The following CCDC92B variants were observed in gnomAD, a reference collection of about 807,000 sequenced individuals.
CCDC92B encodes coiled-coil domain-containing 92B.
Under a neutral mutation model 5.6 loss-of-function variants are expected in CCDC92B, and 2 were observed. The observed-to-expected ratio is 0.36, with a 90% CI of 0.15 to 1.12. The LOEUF (loss-of-function observed/expected upper bound fraction) is 1.12. Among genes scored for constraint, CCDC92B ranks in the 50% most tolerant of loss-of-function variants. CCDC92B has a pLI of 0.40. For synonymous variants in CCDC92B, 115 were observed against 122.3 expected, an observed-to-expected ratio of 0.94 and a Z score of 0.39; for missense variants, 271 against 262.2, an observed-to-expected ratio of 1.03 and a Z score of -0.23.
Position 2,722,718 on chromosome 17 carries a change from TC to T in CCDC92B, c.*1692del, listed in dbSNP as rs1333104462. ...CCCCTGCGTGACAGAATGTGTGGCC[TC>T]AGCCAGGGTCAGGACCTGTCAGGAA... On this transcript the variant is annotated 3_prime_UTR_variant, in exon 4 of 4. Coordinates refer to ENST00000614400, the MANE Select transcript of CCDC92B (RefSeq NM_001355573.2). The T allele has an allele frequency of 6.6e-6, 1 of 152,286 alleles. No homozygotes were observed. The highest frequency in any genetic ancestry group is 2.4e-5 in the African/African-American group (1 of 41,432). The allele number at this position is 152,286 out of a possible 1,614,324, so 9.4% of individuals were successfully genotyped here.
At chr17:2,731,790 C>T (rs888189980) in intron 2 of CCDC92B, among the ~76,000 whole-genome samples, 4 of 152,248 alleles carry the variant, frequency 2.6e-5, no homozygotes, top group South Asian at 4.1e-4. Flanking sequence ...CCTTCAAGGC[C>T]TTGTGATGTA....
At position 2,739,163 on chromosome 17, in the gene CCDC92B, C is replaced by G. The variant is rs375633054; in HGVS notation, c.-23-3995G>C. On this transcript the variant is annotated intron_variant, in intron 1 of 3. Coordinates refer to ENST00000614400, the MANE Select transcript of CCDC92B (RefSeq NM_001355573.2). The stretch of plus-strand genomic sequence containing the variant: ...TGGGCGGATCACGAGGTCAGGAGAT[C>G]GAGACCATCCTGGCTAACATGGTAG... 3.3e-5 allele frequency among the ~76,000 whole-genome samples: 5 copies of G among 151,356 alleles called. No individual in the cohort carries two copies. The East Asian group carries it at 7.8e-4, about 24-fold the overall frequency.
intron 3 of CCDC92B, 116 bp downstream of exon 3, chr17:2,730,329 AG>A (rs1365267642): frequency 4.5e-6 from 2 of 444,706 alleles, no homozygotes; most frequent in Non-Finnish European, 6.0e-6. Flanking sequence ...CCAGCCAAGG[AG>A]TGACTATCCC....
At position 2,737,560 on chromosome 17, in the gene CCDC92B, C is replaced by T. The variant is rs942554468; in HGVS notation, c.-23-2392G>A. On this transcript the variant is annotated intron_variant, in intron 1 of 3. Coordinates refer to ENST00000614400, the MANE Select transcript of CCDC92B (RefSeq NM_001355573.2). ...CACGATCTCGGCTCACTGCAAGCTCCGCCTCCCAAGTTCACGCCATTCTGC... is the reference window on the plus strand; with the variant it reads ...CACGATCTCGGCTCACTGCAAGCTCTGCCTCCCAAGTTCACGCCATTCTGC... Among the ~76,000 whole-genome samples, 11 of 149,576 alleles carry T rather than the reference C, an allele frequency of 7.4e-5. No homozygotes were observed. In the South Asian group the frequency reaches 1.5e-3, roughly 20 times the overall value.
At chr17:2,732,551 T>C (rs1160079183) in intron 2 of CCDC92B, among the ~76,000 whole-genome samples, 1 of 151,912 alleles carries the variant, frequency 6.6e-6, no homozygotes, top group African/African-American at 2.4e-5. Context: ...ACCCCATCTC[T>C]ACTAAAAATA....
At chr17:2,729,013 A>G (rs2070767195) in intron 3 of CCDC92B, among the ~76,000 whole-genome samples, 1 of 152,120 alleles carries the variant, frequency 6.6e-6, no homozygotes. Context: ...AAGACTTTTT[A>G]TGATTCCTTT....
chr17:2,738,752 T>TC (rs1484806006), intron 1 of CCDC92B, among the ~76,000 whole-genome samples: 2 of 133,558 alleles, frequency 1.5e-5, no homozygotes, highest in African/African-American at 5.8e-5. Flanking sequence ...AGAGCAAGAC[T>TC]CGTCTCAAAA....
At chr17:2,726,642 C>T (rs1017303050) in intron 3 of CCDC92B, among the ~76,000 whole-genome samples, 7 of 151,570 alleles carry the variant, frequency 4.6e-5, no homozygotes, top group African/African-American at 1.5e-4. Flanking sequence ...GAGGCAGAGT[C>T]TCACTCTGTC....
rs900632067 is a variant in CCDC92B, at chr17:2,724,225, C to A, written c.*186G>T. ...TCTCGCGCGAGGAGAGGGCTCGAAG[C>A]TTTGGAAACGTCGGGAAGTACAAAA... On this transcript the variant is annotated 3_prime_UTR_variant, in exon 4 of 4. Transcript: ENST00000614400. This position sits in a 1 kb window ranked among gnomAD's most constrained non-coding sequence, Gnocchi z 5.0. The A allele has an allele frequency of 5.1e-6, 5 of 985,270 alleles. No individual in the cohort carries two copies. Among genetic ancestry groups the A allele is most frequent in the Admixed American group, 6.1e-5 (1 of 16,268 alleles). 61.0% of individuals were successfully genotyped at this position (985,270 alleles called of 1,614,324 possible). A position where few individuals can be genotyped will look rare whatever the true frequency, so the allele number is the denominator to read the frequency against.
chr17:2,728,002 C>T (rs2070752900), intron 3 of CCDC92B, among the ~76,000 whole-genome samples: 1 of 151,948 alleles, frequency 6.6e-6, no homozygotes, highest in Non-Finnish European at 1.5e-5. Flanking sequence ...AGAGCAAGAT[C>T]CTGTCTCTAA....
At chr17:2,731,200 G>C (rs551100155) in intron 2 of CCDC92B, among the ~76,000 whole-genome samples, 2 of 152,144 alleles carry the variant, frequency 1.3e-5, no homozygotes, top group Non-Finnish European at 2.9e-5. Flanking sequence ...AAGGGCACTG[G>C]TGCAGGAGCA....
chr17:2,731,145 G>A (rs943035290), intron 2 of CCDC92B, among the ~76,000 whole-genome samples: 13 of 152,184 alleles, frequency 8.5e-5, no homozygotes, highest in East Asian at 1.9e-4. Context: ...GATGGGGGCC[G>A]GGCTTGGCAC....
chr17:2,748,202 G>C (rs767936996), intron 1 of CCDC92B: 13 of 571,018 alleles, frequency 2.3e-5, no homozygotes, highest in Non-Finnish European at 3.7e-5. Context: ...AACTCTTCCA[G>C]TAGCCCAGTA....
At chr17:2,729,147 C>A (rs150797706) in intron 3 of CCDC92B, among the ~76,000 whole-genome samples, 3 of 152,130 alleles carry the variant, frequency 2.0e-5, no homozygotes, top group Non-Finnish European at 4.4e-5. Flanking sequence ...CTTGGGATTA[C>A]AGGCGTGAGC....
intron 2 of CCDC92B, 47 bp from the exon 3 acceptor site, chr17:2,730,540 TGTGTGTGTGTGTGTGTGTGTGTGAGA>T (rs1275550551): frequency 2.4e-6 from 1 of 421,826 alleles, no homozygotes; most frequent in African/African-American, 2.4e-5. Flanking sequence ...TGTGTGTGTG[TGTGTGTGTGTGTGTGTGTGTGTGAGA>T]GAGAGAGAGA....
In CCDC92B at chr17:2,724,567, G is replaced by C. The variant is rs1293160171; in HGVS notation, c.612C>G (p.Ala204=). 4.1e-5 allele frequency: 40 copies of C among 982,184 alleles called. No individual in the cohort carries two copies. The highest frequency in any genetic ancestry group is 7.0e-5 in the African/African-American group (4 of 56,904). 60.8% of individuals were successfully genotyped at this position (982,184 alleles called of 1,614,324 possible). ...WDRGAGALDD[A]DPMPDPALFL... is the part of the protein sequence containing the mutation. ...AGAGCGCGGGGTCGGGCATGGGGTC[G>C]GCGTCGTCGAGGGCGCCGGCCCCGC... The change falls in exon 4 of 4, where the codon GCC becomes GCG. Residue 204 remains alanine, a synonymous_variant. Coordinates refer to ENST00000614400, the MANE Select transcript of CCDC92B (RefSeq NM_001355573.2). The surrounding 1 kb of genome is among the most constrained non-coding windows in gnomAD (Gnocchi z 5.0).
intron 2 of CCDC92B, 85 bp from the exon 3 acceptor site, chr17:2,730,578 A>T (rs1174190360): frequency 2.1e-4 from 133 of 622,330 alleles, no homozygotes; most frequent in Admixed American, 2.9e-4. Context: ...AGAGAGAGAG[A>T]GAGAGAGATC....
intron 2 of CCDC92B, among the ~76,000 whole-genome samples, chr17:2,730,930 T>C (rs1305429552): frequency 6.6e-6 from 1 of 152,068 alleles, no homozygotes; most frequent in Non-Finnish European, 1.5e-5. Context: ...GCCGCTGGAG[T>C]GTCCAGAACT....
In CCDC92B at chr17:2,724,122, C is replaced by A. The variant is rs913793976; in HGVS notation, c.*289G>T. The A allele has an allele frequency of 1.0e-6, 1 of 985,264 alleles. No individual in the cohort carries two copies. The highest frequency in any genetic ancestry group is 1.2e-6 in the Non-Finnish European group (1 of 829,910). 61.0% of individuals were successfully genotyped at this position (985,264 alleles called of 1,614,324 possible). ...GCCCCCGCCCCTCCTGTCTCACAGG[C>A]AGGTGGGACCAGGCCAGGATCGGGA... On this transcript the variant is annotated 3_prime_UTR_variant, in exon 4 of 4. Transcript: ENST00000614400. This position sits in a 1 kb window ranked among gnomAD's most constrained non-coding sequence, Gnocchi z 5.0.
Sources: gnomAD v4.1 joint callset for allele counts (sites outside exome capture counted in the v4.1 genomes callset) on GRCh38, gnomAD v4.1.1 for gene constraint, Gnocchi (gnomAD v3.1) non-coding constraint, MANE v1.5 for transcripts, NCBI Gene and HGNC (gene_info 2026-07-23, HGNC 2026-07-21) for gene names.